CA10: variants seen among roughly 807,000 people sequenced by gnomAD.
CA10 encodes the protein carbonic anhydrase 10 (inactive), also known as carbonic anhydrase-related protein 10.
A neutral mutation model predicts 44.2 loss-of-function variants in CA10; 14 were observed. The ratio of observed to expected loss-of-function variants is 0.32; its 90% CI spans 0.21 to 0.50. The LOEUF (loss-of-function observed/expected upper bound fraction) is 0.50. Among genes scored for constraint, CA10 ranks in the 20% least tolerant of loss-of-function variants. CA10 has a pLI of 0.99. For missense variants in CA10, 350 were observed against 409.7 expected, an observed-to-expected ratio of 0.85 and a Z score of 1.26; for synonymous variants, 159 against 141.6, an observed-to-expected ratio of 1.12 and a Z score of -0.87.
intron 2 of CA10, among the ~76,000 whole-genome samples, chr17:51,964,109 A>G (rs1351084411): frequency 1.3e-5 from 2 of 152,106 alleles, no homozygotes; most frequent in Non-Finnish European, 2.9e-5. Flanking sequence ...AGCAGTGGTC[A>G]GTATTCTTAA....
chr17:51,878,772 C>A (rs962547887), intron 3 of CA10, among the ~76,000 whole-genome samples: 1 of 142,816 alleles, frequency 7.0e-6, no homozygotes, highest in Admixed American at 7.1e-5. Flanking sequence ...TATAACTATT[C>A]ATTCACTGAC....
rs374279327 is a variant in CA10 at position 51,816,058 on chromosome 17, C to T, written c.280-68240G>A. Among the ~76,000 whole-genome samples the T allele has an allele frequency of 7.2e-5, 11 of 152,212 alleles. No homozygotes were observed. The South Asian group carries it at 2.1e-3, about 29-fold the overall frequency. Reference sequence around the variant, plus strand: ...ATTTTTTTGTACCCATTAACCATCTCCACCTCCCCCCGGCCCCCTGCTACC... The same window carrying T: ...ATTTTTTTGTACCCATTAACCATCTTCACCTCCCCCCGGCCCCCTGCTACC... On this transcript the variant is annotated intron_variant, in intron 3 of 8. Transcript: ENST00000451037.
chr17:51,725,512 G>A (rs955266472), intron 4 of CA10, among the ~76,000 whole-genome samples: 3 of 152,200 alleles, frequency 2.0e-5, no homozygotes, highest in Non-Finnish European at 4.4e-5. Context: ...GGCAGGGCCA[G>A]CAGTGCAGCC....
chr17:52,051,591 C>A (rs1818862062), intron 2 of CA10, among the ~76,000 whole-genome samples: 1 of 151,980 alleles, frequency 6.6e-6, no homozygotes, highest in South Asian at 2.1e-4. Flanking sequence ...ACAATGATAC[C>A]ATCTCACACC....
At chr17:52,092,450 G>A (rs1225122138) in intron 1 of CA10, among the ~76,000 whole-genome samples, 2 of 152,184 alleles carry the variant, frequency 1.3e-5, no homozygotes, top group Non-Finnish European at 1.5e-5. Context: ...GAAGATGGCT[G>A]TTCGGTAATG....
chr17:51,991,741 G>A (rs897908597), intron 2 of CA10, among the ~76,000 whole-genome samples: 1 of 152,128 alleles, frequency 6.6e-6, no homozygotes, highest in Non-Finnish European at 1.5e-5. Context: ...CCTGGGAGGA[G>A]GAGGTTGGAG....
chr17:51,854,107 G>A (rs568158985), intron 3 of CA10, among the ~76,000 whole-genome samples: 2 of 152,288 alleles, frequency 1.3e-5, no homozygotes, highest in South Asian at 4.1e-4. Flanking sequence ...CGGATGAGAG[G>A]CACCTTCATC....
intron 3 of CA10, among the ~76,000 whole-genome samples, chr17:51,892,591 C>T (rs1980905678): frequency 6.6e-6 from 1 of 152,150 alleles, no homozygotes; most frequent in African/African-American, 2.4e-5. Context: ...CTTGTTATGG[C>T]AAACATATGG....
chr17:51,807,388 T>G (rs1461261843), intron 3 of CA10, among the ~76,000 whole-genome samples: 1 of 152,224 alleles, frequency 6.6e-6, no homozygotes, highest in Non-Finnish European at 1.5e-5. Flanking sequence ...TTCATTTTAT[T>G]GTTAAGGAAA....
intron 1 of CA10, among the ~76,000 whole-genome samples, chr17:52,098,664 C>A (rs1207256198): frequency 6.6e-6 from 1 of 152,148 alleles, no homozygotes; most frequent in East Asian, 1.9e-4. Flanking sequence ...TATCTCTTTG[C>A]AGCTACACTA....
chr17:51,992,710 A>G (rs1337097330), intron 2 of CA10, among the ~76,000 whole-genome samples: 2 of 152,048 alleles, frequency 1.3e-5, no homozygotes, highest in Non-Finnish European at 1.5e-5. Context: ...TCACATATTC[A>G]TCTCCAATAC....
At chr17:51,727,706 G>C (rs1003414042) in intron 4 of CA10, among the ~76,000 whole-genome samples, 3 of 152,112 alleles carry the variant, frequency 2.0e-5, no homozygotes, top group Admixed American at 2.0e-4. Context: ...TTTTTTTAAA[G>C]ATGCTATCAC....
At chr17:51,818,945 T>A (rs1287687305) in intron 3 of CA10, among the ~76,000 whole-genome samples, 3 of 152,192 alleles carry the variant, frequency 2.0e-5, no homozygotes, top group Admixed American at 6.5e-5. Context: ...TCATAGTTAC[T>A]GTTTTAGCTG....
intron 3 of CA10, among the ~76,000 whole-genome samples, chr17:51,909,889 T>C (rs1598112685): frequency 1.3e-5 from 2 of 152,292 alleles, no homozygotes; most frequent in South Asian, 2.1e-4. Context: ...CTATTTTCAC[T>C]GCACTGGCTC....
At position 52,079,897 on chromosome 17, in the gene CA10, A is replaced by C. The variant is rs149929786; in HGVS notation, c.62-7504T>G. 1.2e-3 allele frequency among the ~76,000 whole-genome samples: 182 copies of C among 152,322 alleles called. 5 individuals are homozygous for C. In the South Asian group the frequency reaches 0.022, roughly 18 times the overall value. Reference sequence around the variant, plus strand: ...GCAAGACAGGATGAAACTCATTTCTATCTCTCCATCCTATGTGAAAACCCC... The same window carrying C: ...GCAAGACAGGATGAAACTCATTTCTCTCTCTCCATCCTATGTGAAAACCCC... On this transcript the variant is annotated intron_variant, in intron 1 of 8. Transcript: ENST00000451037.
chr17:51,780,509 T>G (rs2143675914), intron 3 of CA10, among the ~76,000 whole-genome samples: 1 of 152,340 alleles, frequency 6.6e-6, no homozygotes, highest in African/African-American at 2.4e-5. Flanking sequence ...CAGCAAGGAC[T>G]TCATTTTCTT....
At chr17:51,759,653 G>C (rs1321584637) in intron 3 of CA10, among the ~76,000 whole-genome samples, 1 of 152,014 alleles carries the variant, frequency 6.6e-6, no homozygotes, top group Admixed American at 6.6e-5. Context: ...CCTGGTCCAA[G>C]CTCCACCCCC....
chr17:52,129,870 C>G (rs929433772), intron 1 of CA10, among the ~76,000 whole-genome samples: 1 of 152,136 alleles, frequency 6.6e-6, no homozygotes, highest in Non-Finnish European at 1.5e-5. Flanking sequence ...AGAATAAAGA[C>G]AACACCAGTA....
intron 2 of CA10, among the ~76,000 whole-genome samples, chr17:51,945,173 C>A (rs1250838710): frequency 1.3e-5 from 2 of 152,128 alleles, no homozygotes; most frequent in Non-Finnish European, 2.9e-5. Flanking sequence ...TGGTTTTCAT[C>A]CTAATTGGCT....
Sources: gnomAD v4.1 joint callset for allele counts (sites outside exome capture counted in the v4.1 genomes callset) on GRCh38, gnomAD v4.1.1 for gene constraint, MANE v1.5 for transcripts, NCBI Gene and HGNC (gene_info 2026-07-23, HGNC 2026-07-21) for gene names.